The following KCNN2 variants were observed in gnomAD, a reference collection of about 807,000 sequenced individuals.
KCNN2 encodes the protein potassium calcium-activated channel subfamily N member 2.
A neutral mutation model predicts 55.5 loss-of-function variants in KCNN2; 24 were observed. That is an observed-to-expected ratio of 0.43 (90% confidence interval 0.31 to 0.61). The LOEUF is 0.61. KCNN2 is among the 20% of genes least tolerant of loss of function. The probability of loss-of-function intolerance (pLI) is 0.08; values close to 1 mark genes in which losing one functional copy is unlikely to be tolerated. For synonymous variants in KCNN2, 431 were observed against 336.1 expected, an observed-to-expected ratio of 1.28 and a Z score of -3.09; for missense variants, 754 against 853.6, an observed-to-expected ratio of 0.88 and a Z score of 1.45.
At chr5:114,127,097 A>T (rs4579250) in intron 1 of KCNN2, among the ~76,000 whole-genome samples, 2,526 of 152,178 alleles carry the variant, frequency 0.017, 55 homozygotes, top group African/African-American at 0.057. Context: ...ATGAGCTGGC[A>T]TTGAGCGTCT....
At chr5:114,357,649 A>C (rs1466390856), upstream of KCNN2, among the ~76,000 whole-genome samples, 1 of 116,474 alleles carries the variant, frequency 8.6e-6, no homozygotes, top group South Asian at 3.5e-4. Flanking sequence ...TTATGGCTGC[A>C]TAGTATTCCA....
chr5:114,270,776 C>A (rs1238637913), intron 2 of KCNN2, among the ~76,000 whole-genome samples: 2 of 152,156 alleles, frequency 1.3e-5, no homozygotes, highest in Non-Finnish European at 2.9e-5. Context: ...TTGCTGACTT[C>A]AAGAATGAAG....
At chr5:114,318,232 T>C (rs1186620726) in intron 2 of KCNN2, among the ~76,000 whole-genome samples, 1 of 152,216 alleles carries the variant, frequency 6.6e-6, no homozygotes, top group East Asian at 1.9e-4. Flanking sequence ...GAAAAGGCAA[T>C]ACAGTTTAAA....
At chr5:114,324,282 G>A (rs1247251027) in intron 2 of KCNN2, among the ~76,000 whole-genome samples, 1 of 152,182 alleles carries the variant, frequency 6.6e-6, no homozygotes, top group African/African-American at 2.4e-5. Flanking sequence ...TACTTTATAT[G>A]AAATAAAGGT....
intron 2 of KCNN2, among the ~76,000 whole-genome samples, chr5:114,344,168 C>T (rs1757066757): frequency 1.3e-5 from 2 of 152,134 alleles, no homozygotes; most frequent in East Asian, 1.9e-4. Context: ...TTGGCCCAAA[C>T]TTCTGACACC....
intron 5 of KCNN2, among the ~76,000 whole-genome samples, chr5:114,474,287 T>C (rs1761876923): frequency 6.6e-6 from 1 of 152,200 alleles, no homozygotes; most frequent in Non-Finnish European, 1.5e-5. Context: ...TGAATTGCTA[T>C]TGCCTGCTCA....
chr5:114,198,585 T>C (rs1342881418), intron 1 of KCNN2, among the ~76,000 whole-genome samples: 2 of 152,184 alleles, frequency 1.3e-5, no homozygotes, highest in East Asian at 3.9e-4. Flanking sequence ...ATAGGTATCA[T>C]TTAAATACAT....
intron 1 of KCNN2, among the ~76,000 whole-genome samples, chr5:114,113,152 A>T (rs1429867395): frequency 6.6e-6 from 1 of 152,062 alleles, no homozygotes; most frequent in African/African-American, 2.4e-5. Context: ...AAACCATTTT[A>T]TCTCTCTTAT....
At chr5:114,158,947 A>G (rs1752701773) in intron 1 of KCNN2, among the ~76,000 whole-genome samples, 1 of 152,170 alleles carries the variant, frequency 6.6e-6, no homozygotes, top group Non-Finnish European at 1.5e-5. Context: ...TGTCATCTGC[A>G]AACAGGGACA....
intron 2 of KCNN2, among the ~76,000 whole-genome samples, chr5:114,272,277 T>TCA (rs1333304130): frequency 1.4e-5 from 1 of 69,574 alleles, no homozygotes; most frequent in Non-Finnish European, 3.6e-5. Flanking sequence ...TATGTACATA[T>TCA]CACACACACA....
intron 3 of KCNN2, among the ~76,000 whole-genome samples, chr5:114,452,312 A>G (rs1330345814): frequency 6.6e-6 from 1 of 152,208 alleles, no homozygotes; most frequent in East Asian, 1.9e-4. Context: ...GGTGTCAGTG[A>G]TGGAACATTA....
intron 4 of KCNN2, among the ~76,000 whole-genome samples, chr5:114,466,289 G>T (rs1464777184): frequency 6.6e-6 from 1 of 152,088 alleles, no homozygotes; most frequent in Non-Finnish European, 1.5e-5. Flanking sequence ...TAAAGGTCAT[G>T]ATAAACAATG....
At chr5:114,409,237 A>C (rs974672335) in intron 3 of KCNN2, among the ~76,000 whole-genome samples, 1 of 152,232 alleles carries the variant, frequency 6.6e-6, no homozygotes, top group Admixed American at 6.5e-5. Flanking sequence ...ATTAACCAGC[A>C]TTGTGTTAAT....
intron 6 of KCNN2, chr5:114,488,959 T>A (rs1441233289): frequency 6.6e-6 from 1 of 152,196 alleles, no homozygotes; most frequent in East Asian, 1.9e-4. Context: ...GCAAGTGTGG[T>A]CGGTCTGTGT....
intron 1 of KCNN2, among the ~76,000 whole-genome samples, chr5:114,104,419 A>G (rs1373059671): frequency 6.6e-6 from 1 of 151,780 alleles, no homozygotes; most frequent in African/African-American, 2.4e-5. Flanking sequence ...TGTCTCTATC[A>G]GTTCTGCTTT....
chr5:114,325,304 A>G (rs1478354296), intron 2 of KCNN2, among the ~76,000 whole-genome samples: 5 of 152,230 alleles, frequency 3.3e-5, no homozygotes, highest in Non-Finnish European at 5.9e-5. Context: ...GAAAAGAGAT[A>G]TAAATTGAGG....
At chr5:114,424,952 C>G (rs1360101299) in intron 3 of KCNN2, among the ~76,000 whole-genome samples, 1 of 152,006 alleles carries the variant, frequency 6.6e-6, no homozygotes. Context: ...CCTGAGTATA[C>G]CTCCATCTAA....
intron 2 of KCNN2, among the ~76,000 whole-genome samples, chr5:114,248,409 A>G (rs1754789463): frequency 6.6e-6 from 1 of 152,218 alleles, no homozygotes; most frequent in African/African-American, 2.4e-5. Flanking sequence ...ACCAACATTG[A>G]AAAGAACATG....
intron 2 of KCNN2, among the ~76,000 whole-genome samples, chr5:114,387,322 G>A (rs925826600): frequency 2.0e-5 from 3 of 152,092 alleles, no homozygotes; most frequent in African/African-American, 7.2e-5. Flanking sequence ...TTAAAATCAG[G>A]GAAGTAACTA....
Sources: allele counts gnomAD v4.1 joint callset (sites outside exome capture counted in the v4.1 genomes callset), GRCh38; gene constraint gnomAD v4.1.1; transcripts MANE v1.5; gene names NCBI Gene and HGNC (gene_info 2026-07-23, HGNC 2026-07-21).